NBPF11: variants seen among roughly 807,000 people sequenced by gnomAD.
The protein encoded by NBPF11 is NBPF member 11, also known as NBPF family member NBPF11.
Under a neutral mutation model 93.9 loss-of-function variants are expected in NBPF11, and 72 were observed. The ratio of observed to expected loss-of-function variants is 0.77; its 90% CI spans 0.63 to 0.93. The LOEUF (loss-of-function observed/expected upper bound fraction) is 0.93. Ranked by LOEUF, NBPF11 falls within the 40% of genes least tolerant of loss-of-function variation. NBPF11 has a pLI of 0.00. For synonymous variants in NBPF11, 224 were observed against 304.9 expected (o/e 0.73, Z 2.76); for missense variants, 705 against 802.2 (o/e 0.88, Z 1.46).
Position 148,113,090 on chromosome 1 carries a change from T to C in NBPF11, c.1637+1347A>G, listed in dbSNP as rs1277638410. Among the ~76,000 whole-genome samples the C allele has an allele frequency of 2.6e-5, 4 of 151,930 alleles. No homozygotes were observed. In the South Asian group the frequency reaches 6.2e-4, roughly 24 times the overall value. The stretch of plus-strand genomic sequence containing the variant: ...CGGGTGAAATAACCAGCAAACATCA[T>C]AACGACAGGATCAAATTCACACATA... On this transcript the variant is annotated intron_variant, in intron 15 of 23. Transcript: ENST00000682118.
chr1:148,135,963 A>C (rs1483224080), intron 3 of NBPF11, 150 bp from the exon 4 acceptor site: 15 of 627,100 alleles, frequency 2.4e-5, no homozygotes, highest in East Asian at 5.6e-5. Context: ...ACATGATTAA[A>C]CTCCTTCCTG....
At chr1:148,111,392 A>G (rs1248320651) in intron 15 of NBPF11, among the ~76,000 whole-genome samples, 84 of 152,076 alleles carry the variant, frequency 5.5e-4, no homozygotes, top group Admixed American at 5.0e-3. Context: ...AAAGCAGGAT[A>G]GAGAATGACT....
At position 148,126,896 on chromosome 1, in the gene NBPF11, T is replaced by C; in HGVS notation, c.108A>G (p.Arg36=). The part of the protein sequence containing the change: ...PQLAENKQQF[R]NLKERCFLTQ... The stretch of plus-strand genomic sequence containing the variant: ...TTAGAAAACATCTCTCTTTGAGGTT[T>C]CTGAACTGCTGTTTGTTCTCTGCCA... Residue 36 remains arginine, a synonymous_variant, in exon 5 of 24, where the codon AGA becomes AGG. Coordinates refer to ENST00000682118, the MANE Select transcript of NBPF11 (RefSeq NM_001385469.3). 7.0e-7 allele frequency: 1 copy of C among 1,427,670 alleles called. No homozygotes were observed. The highest frequency in any genetic ancestry group is 9.7e-7 in the Non-Finnish European group (1 of 1,027,000). 88.4% of individuals were successfully genotyped at this position (1,427,670 alleles called of 1,614,324 possible).
At chr1:148,115,162 C>CGCAAAAAAAAAAA (rs1666177688) in intron 14 of NBPF11, among the ~76,000 whole-genome samples, 2 of 15,168 alleles carry the variant, frequency 1.3e-4, no homozygotes, top group Non-Finnish European at 9.5e-5. Context: ...AGGACTCCAT[C>CGCAAAAAAAAAAA]ACAAAAAAAA....
At chr1:148,133,466 C>A (rs1238397357) in intron 4 of NBPF11, among the ~76,000 whole-genome samples, 8 of 152,182 alleles carry the variant, frequency 5.3e-5, no homozygotes, top group South Asian at 2.1e-4. Flanking sequence ...CAAATCTGCC[C>A]TTAATGGGGT....
At chr1:148,150,579 T>C (rs1648034901) in intron 1 of NBPF11, among the ~76,000 whole-genome samples, 1 of 151,908 alleles carries the variant, frequency 6.6e-6, no homozygotes, top group Non-Finnish European at 1.5e-5. Context: ...AAAAGAAAGC[T>C]ATTAATGCAT....
At position 148,143,437 on chromosome 1, in the gene NBPF11, A is replaced by T. The variant is rs1205956344; in HGVS notation, c.-299T>A. 7.2e-5 allele frequency: 67 copies of T among 932,094 alleles called. No homozygotes were observed. Among genetic ancestry groups the T allele is most frequent in the Middle Eastern group, 4.5e-4 (1 of 2,208 alleles). The allele number at this position is 932,094 out of a possible 1,614,324, so 57.7% of individuals were successfully genotyped here. On this transcript the variant is annotated 5_prime_UTR_variant, in exon 2 of 24. An upstream start codon of the reference 5' UTR is lost. Transcript: ENST00000682118. ...TACCTGTTGGATCTGGCAGCTCTTC[A>T]TGTCGGCCCACACCATGTGAAGCTG... is the stretch of plus-strand genomic sequence containing the variant.
At chr1:148,129,157 A>T (rs1354445738) in intron 4 of NBPF11, among the ~76,000 whole-genome samples, 2 of 124,636 alleles carry the variant, frequency 1.6e-5, no homozygotes, top group Non-Finnish European at 3.7e-5. Flanking sequence ...TATATATATT[A>T]TATATATATA....
chr1:148,125,264 G>A (rs1180516382), intron 5 of NBPF11, among the ~76,000 whole-genome samples: 1 of 151,930 alleles, frequency 6.6e-6, no homozygotes, highest in South Asian at 2.1e-4. Flanking sequence ...AGTGGAGTCA[G>A]AACTCACAGC....
At chr1:148,146,542 G>T in intron 1 of NBPF11, 1 of 1,604,000 alleles carries the variant, frequency 6.2e-7, no homozygotes, top group Middle Eastern at 2.3e-4. Context: ...TGGGGCCGGG[G>T]CCGCCCCCTT....
chr1:148,141,096 G>A (rs1418595313), intron 2 of NBPF11, among the ~76,000 whole-genome samples: 1 of 151,838 alleles, frequency 6.6e-6, no homozygotes, highest in East Asian at 1.9e-4. Context: ...TTCTTGGAAA[G>A]TCAAAAAGAT....
At position 148,129,007 on chromosome 1, in the gene NBPF11, G is replaced by A. The variant is rs1215260049; in HGVS notation, c.-35-1969C>T. Among the ~76,000 whole-genome samples the A allele has an allele frequency of 7.1e-3, 1,048 of 147,528 alleles. 8 individuals are homozygous for A. The highest frequency in any genetic ancestry group is 0.026 in the African/African-American group (993 of 38,540). On this transcript the variant is annotated intron_variant, in intron 4 of 23. Coordinates refer to ENST00000682118, the MANE Select transcript of NBPF11 (RefSeq NM_001385469.3). ...CACACCAGGGCCTGTCATGGGGTGA[G>A]GGCTGGGGGAGGGATAGCATTAGGA...
intron 9 of NBPF11, among the ~76,000 whole-genome samples, chr1:148,121,002 C>T (rs1373268831): frequency 6.6e-6 from 1 of 152,022 alleles, no homozygotes; most frequent in African/African-American, 2.4e-5. Context: ...TTCTGTGTAG[C>T]ACAAAAGATT....
chr1:148,151,216 C>T (rs1648224343), intron 1 of NBPF11, among the ~76,000 whole-genome samples: 1 of 151,910 alleles, frequency 6.6e-6, no homozygotes, highest in Non-Finnish European at 1.5e-5. Context: ...AGGCTTGCCC[C>T]GCTAGTCATG....
At chr1:148,104,060 G>C in intron 23 of NBPF11, 148 bp from the exon 24 acceptor site, 3 of 1,521,736 alleles carry the variant, frequency 2.0e-6, no homozygotes, top group Non-Finnish European at 2.7e-6. Flanking sequence ...CCTTTATGTT[G>C]GGATAGAACA....
At chr1:148,144,725 C>T (rs1416150010) in intron 1 of NBPF11, among the ~76,000 whole-genome samples, 1 of 151,912 alleles carries the variant, frequency 6.6e-6, no homozygotes, top group East Asian at 1.9e-4. Context: ...GTAATCCCAA[C>T]ACTTTGGGAT....
At chr1:148,132,401 A>C (rs1670552276) in intron 4 of NBPF11, among the ~76,000 whole-genome samples, 1 of 148,892 alleles carries the variant, frequency 6.7e-6, no homozygotes, top group Non-Finnish European at 1.5e-5. Flanking sequence ...TCATAGCTGT[A>C]GAGTAATTCT....
rs75770418 is a variant in NBPF11 at position 148,120,531 on chromosome 1, A to C, written c.958T>G (p.Cys320Gly). The change falls in exon 10 of 24, where the codon TGC (cysteine) becomes GGC (glycine). Residue 320 changes from cysteine to glycine, a missense_variant. Around this residue, in one of 12 missense-constraint regions of NBPF11, gnomAD observed 262 missense variants for 223.1 expected, o/e 1.17. Coordinates refer to ENST00000682118, the MANE Select transcript of NBPF11 (RefSeq NM_001385469.3). ...TTGTTCTGCTGCTTGGCCAGGAAGC[A>C]GGCCACTTGAGTTACAAAACATTTC... is the stretch of plus-strand genomic sequence containing the variant. Reference protein sequence around the residue: ...KEKCFVTQVACFLAKQQNKYK... With the variant: ...KEKCFVTQVAGFLAKQQNKYK... 160 of 933,526 alleles carry C rather than the reference A, an allele frequency of 1.7e-4. No homozygotes were observed. Among genetic ancestry groups the C allele is most frequent in the Non-Finnish European group, 2.6e-4 (147 of 559,314 alleles). The allele number at this position is 933,526 out of a possible 1,614,324, so 57.8% of individuals were successfully genotyped here. A position where few individuals can be genotyped will look rare whatever the true frequency, so the allele number is the denominator to read the frequency against.
intron 1 of NBPF11, chr1:148,146,914 C>A: frequency 2.5e-6 from 4 of 1,611,234 alleles, no homozygotes; most frequent in Non-Finnish European, 3.4e-6. Context: ...GCAGGCCCTG[C>A]GCACCAGGTG....
Sources: gnomAD v4.1 joint callset for allele counts (sites outside exome capture counted in the v4.1 genomes callset) on GRCh38, gnomAD v4.1.1 for gene constraint, gnomAD v4.1.1 regional missense constraint, MANE v1.5 for transcripts, NCBI Gene and HGNC (gene_info 2026-07-23, HGNC 2026-07-21) for gene names.